The following IMMP2L variants were observed in gnomAD, a reference collection of about 807,000 sequenced individuals.
IMMP2L encodes inner mitochondrial membrane peptidase subunit 2, also known as mitochondrial inner membrane protease subunit 2.
A neutral mutation model predicts 19.3 loss-of-function variants in IMMP2L; 18 were observed. The ratio of observed to expected loss-of-function variants is 0.93; its 90% CI spans 0.64 to 1.38. IMMP2L has a LOEUF of 1.38. IMMP2L is among the 40% of genes most tolerant of loss of function. The pLI is 0.00. For synonymous variants in IMMP2L, 76 were observed against 73.0 expected (o/e 1.04, Z -0.21); for missense variants, 233 against 218.2 (o/e 1.07, Z -0.43).
intron 5 of IMMP2L, among the ~76,000 whole-genome samples, chr7:110,721,584 C>T (rs1795574207): frequency 6.6e-6 from 1 of 151,956 alleles, no homozygotes; most frequent in African/African-American, 2.4e-5. Context: ...CAAAAAAACA[C>T]AATTCTAAAA....
chr7:111,474,729 T>C (rs1208010453), intron 3 of IMMP2L, among the ~76,000 whole-genome samples: 1 of 152,136 alleles, frequency 6.6e-6, no homozygotes, highest in Admixed American at 6.6e-5. Flanking sequence ...ATTCTGTTAA[T>C]ACATTCTTTA....
chr7:110,886,463 A>G, intron 5 of IMMP2L, 130 bp downstream of exon 5: 1 of 610,976 alleles, frequency 1.6e-6, no homozygotes, highest in Non-Finnish European at 3.0e-6. Context: ...GGAAATTTTC[A>G]AACATAAACT....
At chr7:111,055,620 A>G (rs1418847852) in intron 3 of IMMP2L, among the ~76,000 whole-genome samples, 2 of 152,094 alleles carry the variant, frequency 1.3e-5, no homozygotes, top group Non-Finnish European at 2.9e-5. Context: ...CGTAGGCTGG[A>G]TCCTTGGGCC....
intron 3 of IMMP2L, among the ~76,000 whole-genome samples, chr7:111,384,181 A>G (rs1831485277): frequency 6.6e-6 from 1 of 151,376 alleles, no homozygotes; most frequent in South Asian, 2.1e-4. Flanking sequence ...AAGGAGGAGA[A>G]GGAGAAGGAG....
In IMMP2L at chr7:111,543,546, A is replaced by C. The variant is rs192873608; in HGVS notation, c.-3+18305T>G. 1.3e-3 allele frequency among the ~76,000 whole-genome samples: 195 copies of C among 152,296 alleles called. 2 individuals carry two copies. The highest frequency in any genetic ancestry group is 2.5e-3 in the Non-Finnish European group (167 of 68,004). Reference sequence around the variant, plus strand: ...ACAGCATGGCTTCTAACCAACCAGAATCCTCAGTCAAAAATACTTTAAACA... The same window carrying C: ...ACAGCATGGCTTCTAACCAACCAGACTCCTCAGTCAAAAATACTTTAAACA... On this transcript the variant is annotated intron_variant, in intron 1 of 5. Transcript: ENST00000405709.
At chr7:110,805,982 C>T (rs1801605358) in intron 5 of IMMP2L, among the ~76,000 whole-genome samples, 1 of 151,820 alleles carries the variant, frequency 6.6e-6, no homozygotes, top group African/African-American at 2.4e-5. Context: ...TCTAGTTAGA[C>T]CAACCCTTGC....
intron 4 of IMMP2L, among the ~76,000 whole-genome samples, chr7:110,886,932 G>A (rs921652353): frequency 2.0e-5 from 3 of 151,898 alleles, no homozygotes; most frequent in African/African-American, 7.3e-5. Context: ...GAAATGTATT[G>A]GCACTAAATA....
chr7:111,502,306 C>G (rs1274366985), intron 2 of IMMP2L, among the ~76,000 whole-genome samples: 1 of 152,058 alleles, frequency 6.6e-6, no homozygotes, highest in African/African-American at 2.4e-5. Flanking sequence ...ACAGGAGCAC[C>G]CAGGTTCATA....
At chr7:110,817,618 A>C (rs1024816568) in intron 5 of IMMP2L, among the ~76,000 whole-genome samples, 1 of 152,096 alleles carries the variant, frequency 6.6e-6, no homozygotes, top group African/African-American at 2.4e-5. Context: ...ACTACTTTAA[A>C]GTTCATATGG....
chr7:111,493,356 C>T (rs1843269379), intron 2 of IMMP2L, among the ~76,000 whole-genome samples: 1 of 152,096 alleles, frequency 6.6e-6, no homozygotes, highest in Non-Finnish European at 1.5e-5. Context: ...TCCTATGGCA[C>T]TATAAGAACC....
At position 111,069,763 on chromosome 7, in the gene IMMP2L, C is replaced by G. The variant is rs187654866; in HGVS notation, c.240-106198G>C. Among the ~76,000 whole-genome samples, 25 of 152,192 alleles carry G rather than the reference C, an allele frequency of 1.6e-4. 1 individual carries two copies. Among genetic ancestry groups the G allele is most frequent in the Admixed American group, 1.6e-3 (25 of 15,284 alleles). Reference sequence around the variant, plus strand: ...ACTGGTCTCCTTCCTGGAGAGAAAGCTAAGGTAGAATGACAGCTACACAAA... The same window carrying G: ...ACTGGTCTCCTTCCTGGAGAGAAAGGTAAGGTAGAATGACAGCTACACAAA... On this transcript the variant is annotated intron_variant, in intron 3 of 5. Transcript: ENST00000405709.
At chr7:110,682,342 A>C (rs1449689844) in intron 5 of IMMP2L, among the ~76,000 whole-genome samples, 1 of 152,126 alleles carries the variant, frequency 6.6e-6, no homozygotes, top group Non-Finnish European at 1.5e-5. Flanking sequence ...TCTAACTAAT[A>C]ATTATCATAC....
chr7:111,109,281 T>A (rs1261008625), intron 3 of IMMP2L, among the ~76,000 whole-genome samples: 1 of 152,014 alleles, frequency 6.6e-6, no homozygotes, highest in Non-Finnish European at 1.5e-5. Flanking sequence ...CAAGTCAGGT[T>A]TCCAAGGTAT....
chr7:111,339,108 T>C (rs941937375), intron 3 of IMMP2L, among the ~76,000 whole-genome samples: 3 of 152,112 alleles, frequency 2.0e-5, no homozygotes, highest in Non-Finnish European at 4.4e-5. Context: ...ACTAATGTTA[T>C]TACTTTCAGG....
intron 3 of IMMP2L, among the ~76,000 whole-genome samples, chr7:111,239,904 A>G (rs1382346032): frequency 6.6e-6 from 1 of 151,990 alleles, no homozygotes; most frequent in Admixed American, 6.6e-5. Context: ...GTCTTGTTTT[A>G]AAAGTGTTTT....
At chr7:111,008,819 T>C (rs1211064089) in intron 3 of IMMP2L, among the ~76,000 whole-genome samples, 1 of 152,004 alleles carries the variant, frequency 6.6e-6, no homozygotes, top group Non-Finnish European at 1.5e-5. Flanking sequence ...AAAGTTACAA[T>C]GGAAAGATAC....
intron 4 of IMMP2L, among the ~76,000 whole-genome samples, chr7:110,898,242 A>G (rs1009284819): frequency 2.0e-4 from 30 of 152,106 alleles, no homozygotes; most frequent in Admixed American, 1.6e-3. Context: ...AAAGAAGAAA[A>G]CAAACACTAA....
At chr7:111,121,494 G>T (rs1025515225) in intron 3 of IMMP2L, among the ~76,000 whole-genome samples, 2 of 152,060 alleles carry the variant, frequency 1.3e-5, no homozygotes, top group Non-Finnish European at 2.9e-5. Context: ...CATCATCACT[G>T]GCCATCAGAG....
chr7:111,066,491 G>T (rs1252981739), intron 3 of IMMP2L, among the ~76,000 whole-genome samples: 1 of 152,224 alleles, frequency 6.6e-6, no homozygotes, highest in Non-Finnish European at 1.5e-5. Flanking sequence ...GAAAGAAATT[G>T]CTTCAGAAGA....
Sources: allele counts gnomAD v4.1 joint callset (sites outside exome capture counted in the v4.1 genomes callset), GRCh38; gene constraint gnomAD v4.1.1; transcripts MANE v1.5; gene names NCBI Gene and HGNC (gene_info 2026-07-23, HGNC 2026-07-21).